Variants in ACLY observed in about 807,000 individuals in gnomAD.
ACLY encodes ATP citrate lyase.
A neutral mutation model predicts 133.0 loss-of-function variants in ACLY; 41 were observed. That is an observed-to-expected ratio of 0.31 (90% CI 0.24 to 0.40). The LOEUF (loss-of-function observed/expected upper bound fraction) is 0.40, where lower values mean the gene tolerates loss of function less well. ACLY is among the 10% of genes least tolerant of loss of function. The pLI, the probability that ACLY is intolerant of heterozygous loss-of-function variation, is 1.00. For missense variants in ACLY, 1,046 were observed against 1,453.8 expected (o/e 0.72, Z 4.56); for synonymous variants, 495 against 549.3 (o/e 0.90, Z 1.38).
Position 41,884,240 on chromosome 17 carries a change from G to GT in ACLY, c.2106dup (p.Arg703ThrfsTer21). 2 of 1,612,424 alleles carry GT rather than the reference G, an allele frequency of 1.2e-6. No homozygotes were observed. Among genetic ancestry groups the GT allele is most frequent in the Non-Finnish European group, 1.7e-6 (2 of 1,178,686 alleles). ...TTGACTCCTGGAGTGTCCTGATAGC[G>GT]TAACACATGATCCATGAATGTGGAG... On this transcript the variant is annotated frameshift_variant, in exon 19 of 29. Coordinates refer to ENST00000352035, the MANE Select transcript of ACLY (RefSeq NM_001096.3). LOFTEE classifies it high-confidence loss of function.
chr17:41,921,188 C>T (rs1331553119), upstream of ACLY, among the ~76,000 whole-genome samples: 2 of 151,794 alleles, frequency 1.3e-5, no homozygotes, highest in Admixed American at 1.3e-4. Flanking sequence ...ATCTCAGCTA[C>T]CTGGGAGGCT....
At chr17:41,890,272 A>G (rs2049167842) in intron 16 of ACLY, among the ~76,000 whole-genome samples, 1 of 152,180 alleles carries the variant, frequency 6.6e-6, no homozygotes, top group African/African-American at 2.4e-5. Flanking sequence ...TATTTTCAAC[A>G]AAACAGTATT....
intron 7 of ACLY, 122 bp from the exon 8 acceptor site, chr17:41,906,768 A>G (rs1567909247): frequency 2.3e-6 from 2 of 882,198 alleles, no homozygotes; most frequent in East Asian, 4.8e-5. Context: ...GGGTGGGAAG[A>G]AGGGGCTACG....
intron 14 of ACLY, among the ~76,000 whole-genome samples, chr17:41,895,154 C>A (rs1038661125): frequency 2.0e-5 from 3 of 152,304 alleles, no homozygotes; most frequent in Admixed American, 1.3e-4. Context: ...GGTCATCCAG[C>A]ATCAGAGCCA....
Position 41,892,383 on chromosome 17 carries a change from T to C in ACLY, c.1666A>G (p.Met556Val). 1.2e-6 allele frequency: 2 copies of C among 1,613,866 alleles called. No homozygotes were observed. The highest frequency in any genetic ancestry group is 1.7e-6 in the Non-Finnish European group (2 of 1,179,942). Residue 556 changes from methionine to valine, a missense_variant, in exon 16 of 29, where the codon ATG becomes GTG. Physicochemically the swap from Met to Val is conservative, Grantham distance 21. Transcript: ENST00000352035. ...KEILIPVFKN[M>V]ADAMRKHPEV... ...GGATGCTTCCTCATGGCATCAGCCATGTTCTTGAAGACAGGGATCAGGATC... is the reference window on the plus strand; with the variant it reads ...GGATGCTTCCTCATGGCATCAGCCACGTTCTTGAAGACAGGGATCAGGATC...
At chr17:41,879,325 C>T (rs1210351666) in intron 20 of ACLY, among the ~76,000 whole-genome samples, 2 of 151,376 alleles carry the variant, frequency 1.3e-5, no homozygotes, top group East Asian at 3.9e-4. Flanking sequence ...AGGCTGGTCT[C>T]GAACTCCTAA....
intron 22 of ACLY, among the ~76,000 whole-genome samples, chr17:41,874,718 C>T (rs993373279): frequency 3.3e-5 from 5 of 151,754 alleles, no homozygotes; most frequent in Admixed American, 6.6e-5. Flanking sequence ...GGACTACAGG[C>T]GCTTGCCACC....
rs1331139770 is a variant in ACLY at position 41,925,339 on chromosome 17, G to A, written c.-28+5019C>T. On this transcript the variant is annotated intron_variant, in intron 1 of 3. Transcript: ENST00000592970. The stretch of plus-strand genomic sequence containing the variant: ...TGGCCAGGCATGATGGTTCATGCCT[G>A]TAATTCCAGCATTTTGGGAAGCCAA... Among the ~76,000 whole-genome samples, 5 of 150,498 alleles carry A rather than the reference G, an allele frequency of 3.3e-5. No homozygotes were observed. In the Admixed American group the frequency reaches 3.3e-4, roughly 10 times the overall value.
chr17:41,873,763 T>A, intron 23 of ACLY, 48 bp downstream of exon 23: 2 of 1,485,862 alleles, frequency 1.3e-6, no homozygotes, highest in Non-Finnish European at 1.8e-6. Flanking sequence ...GGGAAAATCA[T>A]TAACTCTGAG....
chr17:41,901,831 CAT>C lies in ACLY; in HGVS notation c.1066-20_1066-19del. The C allele has an allele frequency of 6.5e-7, 1 of 1,537,228 alleles. No homozygotes were observed. Among genetic ancestry groups the C allele is most frequent in the Non-Finnish European group, 8.8e-7 (1 of 1,134,576 alleles). On this transcript the variant is annotated intron_variant, in intron 10 of 28. Coordinates refer to ENST00000352035, the MANE Select transcript of ACLY (RefSeq NM_001096.3). ...ACGATGCCCTGGAAGCCCAAAGTGACATGTGACTAAAAACAAGGCAGCCACAA... is the reference window on the plus strand; with the variant it reads ...ACGATGCCCTGGAAGCCCAAAGTGACGTGACTAAAAACAAGGCAGCCACAA...
Position 41,907,504 on chromosome 17 carries a change from A to T in ACLY, c.685T>A (p.Cys229Ser). ...TCGATGTCACCCCACTTCACTTTGC[A>T]GATGTAGTCGGCAGTGGCGTCCACC... is the stretch of plus-strand genomic sequence containing the variant. ...AKVDATADYI[C>S]KVKWGDIEFP... The change falls in exon 7 of 29, where the codon TGC becomes AGC. Residue 229 changes from cysteine to serine, a missense_variant. Cys to Ser is a moderately radical substitution (Grantham distance 112). Coordinates refer to ENST00000352035, the MANE Select transcript of ACLY (RefSeq NM_001096.3). The T allele has an allele frequency of 6.2e-7, 1 of 1,613,550 alleles. No homozygotes were observed. The highest frequency in any genetic ancestry group is 8.5e-7 in the Non-Finnish European group (1 of 1,179,910).
chr17:41,893,254 C>T (rs1002601079), intron 14 of ACLY, 80 bp from the exon 15 acceptor site: 2 of 1,453,526 alleles, frequency 1.4e-6, no homozygotes, highest in African/African-American at 1.4e-5. Context: ...GCCTGACAGA[C>T]CCCTCCACGC....
intron 6 of ACLY, 81 bp downstream of exon 6, chr17:41,908,908 T>C: frequency 8.5e-7 from 1 of 1,179,832 alleles, no homozygotes; most frequent in Non-Finnish European, 1.3e-6. Flanking sequence ...CAAGTGGGAG[T>C]CTGGTTCTCT....
At chr17:41,904,830 G>A in intron 9 of ACLY, 40 bp from the exon 10 acceptor site, 1 of 1,580,316 alleles carries the variant, frequency 6.3e-7, no homozygotes, top group Non-Finnish European at 8.7e-7. Context: ...CAGTTACATA[G>A]GTAGACTTGA....
chr17:41,897,620 C>T, intron 13 of ACLY, 129 bp downstream of exon 13: 2 of 816,476 alleles, frequency 2.4e-6, no homozygotes, highest in East Asian at 2.8e-5. Flanking sequence ...CAGGTGCACT[C>T]CCATTGCAAA....
intron 18 of ACLY, among the ~76,000 whole-genome samples, chr17:41,884,554 TAGAA>T (rs1368664837): frequency 2.0e-5 from 3 of 152,136 alleles, no homozygotes; most frequent in African/African-American, 7.2e-5. Flanking sequence ...AGAGATGACT[TAGAA>T]AGTACGCCCT....
chr17:41,903,849 G>A (rs2049612161), intron 10 of ACLY, among the ~76,000 whole-genome samples: 1 of 150,782 alleles, frequency 6.6e-6, no homozygotes, highest in Non-Finnish European at 1.5e-5. Flanking sequence ...GTTGGGCATG[G>A]TGGTTCACAC....
intron 10 of ACLY, among the ~76,000 whole-genome samples, chr17:41,904,223 G>A (rs2049629445): frequency 9.7e-6 from 1 of 102,618 alleles, no homozygotes; most frequent in Non-Finnish European, 2.0e-5. Context: ...AAGGGAGGGA[G>A]GAAAGGAAGG....
intron 11 of ACLY, among the ~76,000 whole-genome samples, chr17:41,899,338 CA>C (rs1260243999): frequency 6.6e-6 from 1 of 151,986 alleles, no homozygotes; most frequent in Admixed American, 6.6e-5. Flanking sequence ...ACCAAATTAT[CA>C]GAGCCCATAT....
Sources: gnomAD v4.1 joint callset for allele counts (sites outside exome capture counted in the v4.1 genomes callset) on GRCh38, gnomAD v4.1.1 for gene constraint, MANE v1.5 for transcripts, NCBI Gene and HGNC (gene_info 2026-07-23, HGNC 2026-07-21) for gene names.